Variants in ERC2 observed in about 807,000 individuals in gnomAD.
ERC2 encodes ERC protein 2.
A neutral mutation model predicts 114.8 loss-of-function variants in ERC2; 42 were observed. The observed-to-expected ratio is 0.37, with a 90% CI of 0.29 to 0.47. The LOEUF is 0.47. Ranked by LOEUF, ERC2 falls within the 20% of genes least tolerant of loss-of-function variation. The probability of loss-of-function intolerance (pLI) is 0.99; values close to 1 mark genes in which losing one functional copy is unlikely to be tolerated. For synonymous variants in ERC2, 454 were observed against 425.5 expected (o/e 1.07, Z -0.82); for missense variants, 939 against 1,150.7 (o/e 0.82, Z 2.66).
rs1228877677 is a variant in ERC2, at chr3:55,888,445, G to C, written c.2508C>G (p.His836Gln). 25 of 1,613,902 alleles carry C rather than the reference G, an allele frequency of 1.5e-5. No homozygotes were observed. Among genetic ancestry groups the C allele is most frequent in the Non-Finnish European group, 2.0e-5 (24 of 1,179,854 alleles). ...TCCTCTCAATCCGGAGGTTGGCCAAGTGCGCTTCTTTTTCGGCCAGGGACT... is the reference window on the plus strand; with the variant it reads ...TCCTCTCAATCCGGAGGTTGGCCAACTGCGCTTCTTTTTCGGCCAGGGACT... ...TQQSLAEKEA[H>Q]LANLRIERRK... Residue 836 changes from histidine to glutamine, a missense_variant, in exon 14 of 18, where the codon CAC (histidine) becomes CAG (glutamine). Transcript: ENST00000288221.
intron 17 of ERC2, among the ~76,000 whole-genome samples, chr3:55,683,033 G>A (rs1482460251): frequency 1.3e-5 from 2 of 152,082 alleles, no homozygotes; most frequent in Non-Finnish European, 2.9e-5. Context: ...GTAAATAAAG[G>A]GTGGATTCTC....
At chr3:55,562,926 G>C (rs1350480803) in intron 17 of ERC2, among the ~76,000 whole-genome samples, 1 of 152,080 alleles carries the variant, frequency 6.6e-6, no homozygotes. Flanking sequence ...AAAGGAATGT[G>C]GAAATAAGCC....
intron 14 of ERC2, among the ~76,000 whole-genome samples, chr3:55,754,977 C>G (rs2066956263): frequency 6.6e-6 from 1 of 152,024 alleles, no homozygotes; most frequent in Admixed American, 6.6e-5. Context: ...GGGAAGGAGA[C>G]ACAGCAATTG....
chr3:55,572,092 G>A lies in ERC2; in HGVS notation c.*40-60816C>T, dbSNP rs140045188. 3.5e-4 allele frequency among the ~76,000 whole-genome samples: 54 copies of A among 152,332 alleles called. 1 individual carries two copies. The highest frequency in any genetic ancestry group is 2.1e-3 in the East Asian group (11 of 5,180). ...TGACGGCGTTCCTGAGGGAGGTGGC[G>A]TTGGGACAGTGAAGGGGCATTTCCT... On this transcript the variant is annotated intron_variant, in intron 17 of 17. Coordinates refer to ENST00000288221, the MANE Select transcript of ERC2 (RefSeq NM_015576.3).
chr3:56,383,949 A>G (rs559876093), intron 2 of ERC2, among the ~76,000 whole-genome samples: 1 of 152,338 alleles, frequency 6.6e-6, no homozygotes, highest in Admixed American at 6.5e-5. Flanking sequence ...GCAATCAAGC[A>G]ATATTTGCCT....
At chr3:56,130,189 T>C (rs2080120843) in intron 6 of ERC2, among the ~76,000 whole-genome samples, 1 of 152,242 alleles carries the variant, frequency 6.6e-6, no homozygotes, top group Non-Finnish European at 1.5e-5. Context: ...TGTCTGCTCA[T>C]ATGTATTCCT....
chr3:56,330,877 A>T (rs2057578784), intron 2 of ERC2, among the ~76,000 whole-genome samples: 1 of 152,058 alleles, frequency 6.6e-6, no homozygotes, highest in African/African-American at 2.4e-5. Context: ...CCTGTGCATG[A>T]CCTCCTTTTA....
chr3:55,976,456 T>C (rs997480425), intron 12 of ERC2, among the ~76,000 whole-genome samples: 4 of 152,192 alleles, frequency 2.6e-5, no homozygotes, highest in Non-Finnish European at 4.4e-5. Flanking sequence ...ACGCATAATT[T>C]CTACCTCCTT....
intron 3 of ERC2, among the ~76,000 whole-genome samples, chr3:56,232,939 C>T (rs778124226): frequency 1.3e-5 from 2 of 152,186 alleles, no homozygotes; most frequent in Admixed American, 6.5e-5. Context: ...GAGCTCAACC[C>T]AAAAATCACT....
At chr3:56,042,499 CCAAA>C (rs773695002) in intron 7 of ERC2, among the ~76,000 whole-genome samples, 6 of 152,228 alleles carry the variant, frequency 3.9e-5, no homozygotes, top group Non-Finnish European at 7.4e-5. Flanking sequence ...ATACCTCCTA[CCAAA>C]CAGTGTCCCT....
chr3:56,175,457 A>T (rs2082926476), intron 3 of ERC2, among the ~76,000 whole-genome samples: 1 of 152,184 alleles, frequency 6.6e-6, no homozygotes, highest in South Asian at 2.1e-4. Context: ...GACTGCAATC[A>T]TCTGGCAACA....
At chr3:56,186,800 A>G (rs750476166) in intron 3 of ERC2, among the ~76,000 whole-genome samples, 8 of 152,114 alleles carry the variant, frequency 5.3e-5, no homozygotes, top group Non-Finnish European at 1.0e-4. Flanking sequence ...CGGCCTCCCA[A>G]AGTTCTGGGA....
chr3:56,247,560 A>G (rs1286302041), intron 3 of ERC2, among the ~76,000 whole-genome samples: 2 of 152,208 alleles, frequency 1.3e-5, no homozygotes, highest in Non-Finnish European at 2.9e-5. Flanking sequence ...CAAATTTTAA[A>G]TGGTTGGGTT....
intron 3 of ERC2, among the ~76,000 whole-genome samples, chr3:56,223,008 C>A (rs1014032899): frequency 6.6e-6 from 1 of 152,224 alleles, no homozygotes; most frequent in Non-Finnish European, 1.5e-5. Context: ...GAGCAGCCAT[C>A]CCCAGCTGGG....
At chr3:55,797,558 C>A (rs1263030773) in intron 14 of ERC2, among the ~76,000 whole-genome samples, 1 of 152,124 alleles carries the variant, frequency 6.6e-6, no homozygotes, top group Non-Finnish European at 1.5e-5. Flanking sequence ...CCCCAGATCA[C>A]CAAGCATATA....
At chr3:56,126,471 G>A (rs1289421724) in intron 6 of ERC2, among the ~76,000 whole-genome samples, 1 of 152,148 alleles carries the variant, frequency 6.6e-6, no homozygotes, top group African/African-American at 2.4e-5. Flanking sequence ...TTGATGACAT[G>A]ATCTTACATA....
intron 17 of ERC2, among the ~76,000 whole-genome samples, chr3:55,601,518 G>C (rs1268615672): frequency 6.6e-6 from 1 of 152,182 alleles, no homozygotes; most frequent in Non-Finnish European, 1.5e-5. Context: ...CTGGTTGTGT[G>C]CAAACAACCA....
chr3:56,302,953 C>G (rs1162226376), intron 2 of ERC2, among the ~76,000 whole-genome samples: 1 of 152,260 alleles, frequency 6.6e-6, no homozygotes, highest in Non-Finnish European at 1.5e-5. Context: ...TTAGCACTTA[C>G]AGCACAGCTT....
chr3:56,224,638 T>G (rs1333234121), intron 3 of ERC2, among the ~76,000 whole-genome samples: 1 of 152,138 alleles, frequency 6.6e-6, no homozygotes, highest in African/African-American at 2.4e-5. Context: ...ATGCAAACAC[T>G]GAAACACGGG....
Sources: gnomAD v4.1 joint callset for allele counts (sites outside exome capture counted in the v4.1 genomes callset) on GRCh38, gnomAD v4.1.1 for gene constraint, MANE v1.5 for transcripts, NCBI Gene and HGNC (gene_info 2026-07-23, HGNC 2026-07-21) for gene names.